Variants in STRIP2 observed in about 807,000 individuals in gnomAD.
STRIP2 encodes the protein striatin interacting protein 2.
Under a neutral mutation model 107.1 loss-of-function variants are expected in STRIP2, and 84 were observed. The observed-to-expected ratio is 0.78, with a 90% CI of 0.66 to 0.94. STRIP2 has a LOEUF of 0.94. STRIP2 is among the 40% of genes least tolerant of loss of function. STRIP2 has a pLI of 0.00. For synonymous variants in STRIP2, 394 were observed against 400.4 expected, an observed-to-expected ratio of 0.98 and a Z score of 0.19; for missense variants, 888 against 1,034.2, an observed-to-expected ratio of 0.86 and a Z score of 1.94.
chr7:129,471,164 G>T (rs944592334), intron 18 of STRIP2, among the ~76,000 whole-genome samples: 1 of 152,062 alleles, frequency 6.6e-6, no homozygotes, highest in Non-Finnish European at 1.5e-5. Flanking sequence ...AAGTCTCTCG[G>T]AGGCAAAAGT....
chr7:129,450,976 G>A (rs1262484564), intron 3 of STRIP2, among the ~76,000 whole-genome samples: 12 of 110,914 alleles, frequency 1.1e-4, no homozygotes, highest in African/African-American at 1.8e-4. Context: ...TCGCTCTGTC[G>A]CCCAGGCTGG....
chr7:129,467,042 G>T (rs1798686694), intron 16 of STRIP2, among the ~76,000 whole-genome samples: 1 of 152,198 alleles, frequency 6.6e-6, no homozygotes, highest in Non-Finnish European at 1.5e-5. Context: ...CCCTCGGGGA[G>T]CCTTCCTTTC....
In STRIP2 at chr7:129,440,063, T is replaced by A; in HGVS notation, c.171T>A (p.Asp57Glu). ...DCPTLEFEYG[D>E]ADGHAAELSE... ...CCACTCTGGAGTTTGAGTATGGAGATGCAGATGGGCATGCAGCCGAGTTGT... is the reference window on the plus strand; with the variant it reads ...CCACTCTGGAGTTTGAGTATGGAGAAGCAGATGGGCATGCAGCCGAGTTGT... Residue 57 changes from aspartate to glutamate, a missense_variant, in exon 2 of 21, where the codon GAT becomes GAA. By Grantham distance (45) the Asp-to-Glu change is conservative. Transcript: ENST00000249344. 6.2e-7 allele frequency: 1 copy of A among 1,614,144 alleles called. No homozygotes were observed. The highest frequency in any genetic ancestry group is 1.7e-5 in the Admixed American group (1 of 60,028).
Position 129,483,304 on chromosome 7 carries a change from A to G in STRIP2, c.2254+258A>G, listed in dbSNP as rs1219728898. ...AGAGATAATTAATTGCCTTTCCAAA[A>G]CATTCTTTTAAATGACAGCTTTCTC... On this transcript the variant is annotated intron_variant, in intron 20 of 20. Coordinates refer to ENST00000249344, the MANE Select transcript of STRIP2 (RefSeq NM_020704.3). This position sits in a 1 kb window ranked among gnomAD's most constrained non-coding sequence, Gnocchi z 5.1. 8.3e-7 allele frequency: 1 copy of G among 1,204,286 alleles called. No individual in the cohort carries two copies. Among genetic ancestry groups the G allele is most frequent in the East Asian group, 3.3e-5 (1 of 30,332 alleles). 74.6% of individuals were successfully genotyped at this position (1,204,286 alleles called of 1,614,324 possible).
chr7:129,483,084 C>G lies in STRIP2; in HGVS notation c.2254+38C>G. On this transcript the variant is annotated intron_variant, in intron 20 of 20. Coordinates refer to ENST00000249344, the MANE Select transcript of STRIP2 (RefSeq NM_020704.3). This position sits in a 1 kb window ranked among gnomAD's most constrained non-coding sequence, Gnocchi z 5.1. Reference sequence around the variant, plus strand: ...AAAGCTCTTGACTTCCTGGAGTTTCCTGGGGTTTAGACAAAACTAAATAAA... The same window carrying G: ...AAAGCTCTTGACTTCCTGGAGTTTCGTGGGGTTTAGACAAAACTAAATAAA... 1 of 1,606,842 alleles carries G rather than the reference C, an allele frequency of 6.2e-7. No homozygotes were observed. The highest frequency in any genetic ancestry group is 8.5e-7 in the Non-Finnish European group (1 of 1,175,220).
chr7:129,458,889 C>A lies in STRIP2; in HGVS notation c.1340+112C>A. ...GGTGGTCATAATGTAACCTAGAGCCCCTAGGCCATGGACAACTCCCAGTGA... is the reference window on the plus strand; with the variant it reads ...GGTGGTCATAATGTAACCTAGAGCCACTAGGCCATGGACAACTCCCAGTGA... On this transcript the variant is annotated intron_variant, in intron 11 of 20. Transcript: ENST00000249344. This position sits in a 1 kb window ranked among gnomAD's most constrained non-coding sequence, Gnocchi z 4.6. 9.8e-7 allele frequency: 1 copy of A among 1,024,174 alleles called. No individual in the cohort carries two copies. 63.4% of individuals were successfully genotyped at this position (1,024,174 alleles called of 1,614,324 possible). A position where few individuals can be genotyped will look rare whatever the true frequency, so the allele number is the denominator to read the frequency against.
chr7:129,475,353 A>AT (rs1030013890), intron 18 of STRIP2, among the ~76,000 whole-genome samples: 2 of 150,928 alleles, frequency 1.3e-5, no homozygotes, highest in African/African-American at 4.9e-5. Flanking sequence ...TTTTTTATTT[A>AT]TTTTTTTTAT....
At position 129,486,326 on chromosome 7, in the gene STRIP2, A is replaced by G. The variant is rs1799243161; in HGVS notation, c.*497A>G. ...TTGGAAGCCTCTTTCTGAAATCATT[A>G]GCTCTAAGATTATTTTAGAGCACCT... On this transcript the variant is annotated 3_prime_UTR_variant, in exon 21 of 21. Transcript: ENST00000249344. 6.2e-6 allele frequency: 1 copy of G among 160,988 alleles called. No homozygotes were observed. The highest frequency in any genetic ancestry group is 2.4e-5 in the African/African-American group (1 of 41,528). 10.0% of individuals were successfully genotyped at this position (160,988 alleles called of 1,614,324 possible).
At chr7:129,443,896 A>C in intron 2 of STRIP2, 128 bp from the exon 3 acceptor site, 176 of 656,302 alleles carry the variant, frequency 2.7e-4, no homozygotes, top group East Asian at 4.6e-4. Flanking sequence ...AAAAGGAGGA[A>C]GCTAGCTTTG....
Position 129,483,597 on chromosome 7 carries a change from AT to A in STRIP2, c.2254+555del, listed in dbSNP as rs1173599319. The A allele has an allele frequency of 6.5e-6, 1 of 152,972 alleles. No individual in the cohort carries two copies. Among genetic ancestry groups the A allele is most frequent in the African/African-American group, 2.4e-5 (1 of 41,416 alleles). 9.5% of individuals were successfully genotyped at this position (152,972 alleles called of 1,614,324 possible). On this transcript the variant is annotated intron_variant, in intron 20 of 20. Transcript: ENST00000249344. The surrounding 1 kb of genome is among the most constrained non-coding windows in gnomAD (Gnocchi z 5.1). The stretch of plus-strand genomic sequence containing the variant: ...TATCTCTACCTTTTCATGTCAGTAC[AT>A]TTTCATTTCATCTAATAAAGTTCAT...
intron 13 of STRIP2, 62 bp from the exon 14 acceptor site, chr7:129,462,902 AAG>A: frequency 1.4e-6 from 2 of 1,402,370 alleles, no homozygotes; most frequent in Non-Finnish European, 1.0e-6. Context: ...CCTCACAACC[AAG>A]AAAAAAAAGC....
At chr7:129,444,132 T>A in intron 3 of STRIP2, 34 bp downstream of exon 3, 1 of 1,529,756 alleles carries the variant, frequency 6.5e-7, no homozygotes, top group Non-Finnish European at 9.0e-7. Context: ...GAGACCTGCT[T>A]TTTCCTTTTA....
intron 18 of STRIP2, among the ~76,000 whole-genome samples, chr7:129,472,065 A>G (rs903445109): frequency 6.6e-6 from 1 of 152,198 alleles, no homozygotes; most frequent in African/African-American, 2.4e-5. Context: ...TAGTATTACT[A>G]TTTTATAGAT....
At chr7:129,482,820 C>T (rs533401485) in intron 19 of STRIP2, 22 bp from the exon 20 acceptor site, 2 of 1,611,704 alleles carry the variant, frequency 1.2e-6, no homozygotes, top group Admixed American at 3.3e-5. Context: ...GATCTTTACC[C>T]CACCCCTCTT....
chr7:129,467,358 T>G lies in STRIP2; in HGVS notation c.1785T>G (p.Tyr595Ter). The change falls in exon 17 of 21, where the codon TAT (tyrosine) becomes TAG (stop). Residue 595 changes from tyrosine to a stop codon, truncating the protein, a stop_gained. Transcript: ENST00000249344. LOFTEE classifies it high-confidence loss of function. ...TTTGATTTTTAATTCAGTTTGAATA[T>G]GTATCGCAACATTTGGTATTTGCCA... is the stretch of plus-strand genomic sequence containing the variant. Reference protein sequence around the residue: ...FKLNHIYQFEYVSQHLVFANC... With the variant: ...FKLNHIYQFE The G allele has an allele frequency of 6.2e-7, 1 of 1,613,032 alleles. No individual in the cohort carries two copies. Among genetic ancestry groups the G allele is most frequent in the South Asian group, 1.1e-5 (1 of 91,010 alleles).
intron 9 of STRIP2, among the ~76,000 whole-genome samples, chr7:129,457,608 T>A (rs1352869373): frequency 1.3e-5 from 2 of 152,238 alleles, no homozygotes; most frequent in African/African-American, 4.8e-5. Flanking sequence ...TGCAATAAAA[T>A]TTTTTAACTT....
At chr7:129,465,248 G>A (rs1798644277) in intron 16 of STRIP2, among the ~76,000 whole-genome samples, 1 of 152,106 alleles carries the variant, frequency 6.6e-6, no homozygotes, top group Admixed American at 6.5e-5. Context: ...GGTTGCTATG[G>A]AAACATCTAA....
chr7:129,448,610 T>C (rs1426963941), intron 3 of STRIP2, among the ~76,000 whole-genome samples: 1 of 152,128 alleles, frequency 6.6e-6, no homozygotes, highest in Non-Finnish European at 1.5e-5. Context: ...TTCCTATCAG[T>C]TTCACTTCTA....
intron 18 of STRIP2, chr7:129,477,832 C>T (rs1799011302): frequency 2.7e-6 from 1 of 371,410 alleles, no homozygotes; most frequent in Non-Finnish European, 5.3e-6. Flanking sequence ...AGAGAGAAGC[C>T]ATGCATTCCA....
Sources: gnomAD v4.1 joint callset for allele counts (sites outside exome capture counted in the v4.1 genomes callset) on GRCh38, gnomAD v4.1.1 for gene constraint, Gnocchi (gnomAD v3.1) non-coding constraint, MANE v1.5 for transcripts, NCBI Gene and HGNC (gene_info 2026-07-23, HGNC 2026-07-21) for gene names.